The following SACS variants were observed in gnomAD, a reference collection of about 807,000 sequenced individuals.
SACS encodes sacsin molecular chaperone.
A neutral mutation model predicts 348.0 loss-of-function variants in SACS; 197 were observed. The ratio of observed to expected loss-of-function variants is 0.57; its 90% confidence interval spans 0.50 to 0.64. The LOEUF is 0.64. Ranked by LOEUF, SACS falls within the 30% of genes least tolerant of loss-of-function variation. The probability of loss-of-function intolerance (pLI) is 0.00; values close to 1 mark genes in which losing one functional copy is unlikely to be tolerated. For synonymous variants in SACS, 1,985 were observed against 1,910.6 expected, an observed-to-expected ratio of 1.04 and a Z score of -1.02; for missense variants, 4,999 against 5,360.8, an observed-to-expected ratio of 0.93 and a Z score of 2.11.
chr13:23,402,263 A>AT (rs1322863164), intron 2 of SACS, among the ~76,000 whole-genome samples: 1 of 152,158 alleles, frequency 6.6e-6, no homozygotes, highest in Non-Finnish European at 1.5e-5. Flanking sequence ...AAGCAGAACA[A>AT]CAATTAATTA....
chr13:23,430,907 G>A (rs1239239992), intron 1 of SACS, among the ~76,000 whole-genome samples: 3 of 152,122 alleles, frequency 2.0e-5, no homozygotes, highest in African/African-American at 4.8e-5. Context: ...TCACATCGTC[G>A]TCAATTTGAA....
At chr13:23,391,596 G>T (rs1872528824) in intron 2 of SACS, among the ~76,000 whole-genome samples, 1 of 152,116 alleles carries the variant, frequency 6.6e-6, no homozygotes, top group African/African-American at 2.4e-5. Context: ...TCAAGTAATT[G>T]CTCCTCCCCT....
At position 23,336,806 on chromosome 13, in the gene SACS, T is replaced by C. The variant is rs777567884; in HGVS notation, c.7070A>G (p.Glu2357Gly). 8.1e-6 allele frequency: 13 copies of C among 1,613,886 alleles called. No homozygotes were observed. The South Asian group carries it at 1.3e-4, about 16-fold the overall frequency. ...AAAATTTAAATGAAAAGAAACCTTT[T>C]CTGAGTCAACATATGCATTCTCAAC... ...ILVENAYVDSEKVSFHLNFEA... is the reference protein window; with the variant it reads ...ILVENAYVDSGKVSFHLNFEA... Residue 2357 changes from glutamate to glycine, a missense_variant, in exon 10 of 10, where the codon GAA (glutamate) becomes GGA (glycine). Around this residue, in one of 6 missense-constraint regions of SACS, gnomAD observed 3,156 missense variants for 3,380.1 expected, o/e 0.93. Coordinates refer to ENST00000382292, the MANE Select transcript of SACS (RefSeq NM_014363.6).
chr13:23,429,127 G>T (rs987410737), intron 1 of SACS, among the ~76,000 whole-genome samples: 1 of 152,014 alleles, frequency 6.6e-6, no homozygotes, highest in Non-Finnish European at 1.5e-5. Flanking sequence ...GCTGCTAAAT[G>T]AAATTTTAAA....
At position 23,334,912 on chromosome 13, in the gene SACS, G is replaced by A; in HGVS notation, c.8964C>T (p.Asp2988=). ...VKALYNCIHE[D]MKRLLPVVRA... is the part of the protein sequence containing the mutation. ...GCACAACAGGTAAAAGACGTTTCAT[G>A]TCTTCGTGAATGCAATTGTAAAGTG... Residue 2988 remains aspartate (D), a synonymous_variant, in exon 10 of 10, where the codon GAC becomes GAT. Coordinates refer to ENST00000382292, the MANE Select transcript of SACS (RefSeq NM_014363.6). 1 of 1,613,854 alleles carries A rather than the reference G, an allele frequency of 6.2e-7. No individual in the cohort carries two copies. Among genetic ancestry groups the A allele is most frequent in the Non-Finnish European group, 8.5e-7 (1 of 1,179,840 alleles).
intron 9 of SACS, among the ~76,000 whole-genome samples, chr13:23,345,414 A>G (rs1054065009): frequency 1.3e-5 from 2 of 152,218 alleles, no homozygotes; most frequent in African/African-American, 4.8e-5. Context: ...CCCAGGGCCC[A>G]GCATAAAAGT....
Position 23,355,992 on chromosome 13 carries a change from A to C in SACS, c.620T>G (p.Phe207Cys), listed in dbSNP as rs1870361895. The change falls in exon 8 of 10, where the codon TTT becomes TGT. Residue 207 changes from phenylalanine (F) to cysteine (C), a missense_variant. Physicochemically the swap from Phe to Cys is radical, Grantham distance 205. Coordinates refer to ENST00000382292, the MANE Select transcript of SACS (RefSeq NM_014363.6). ...TAGCATCCCGATTTGGTCACCACTA[A>C]AGATACAAGGAACATCTGTAAAGAA... The part of the protein sequence containing the change: ...VYHITDVPCI[F>C]SGDQIGMLDP... 6.2e-7 allele frequency: 1 copy of C among 1,613,700 alleles called. No homozygotes were observed.
At chr13:23,427,140 A>G (rs1325820666) in intron 1 of SACS, 4 of 152,216 alleles carry the variant, frequency 2.6e-5, no homozygotes, top group African/African-American at 9.7e-5. Flanking sequence ...TATCACCGCA[A>G]CACCAAACTG....
intron 1 of SACS, among the ~76,000 whole-genome samples, chr13:23,418,548 T>C (rs758136269): frequency 2.0e-5 from 3 of 152,132 alleles, no homozygotes; most frequent in Non-Finnish European, 1.5e-5. Context: ...GCTCTGTCTC[T>C]CCAGCTGGAG....
Position 23,368,454 on chromosome 13 carries a change from T to C in SACS, c.293A>G (p.Asp98Gly), listed in dbSNP as rs1407949005. ...RFGQTTPPLV[D>G]FLKDILRRYP... ...TCTTCTCAAAATGTCCTTGAGAAAATCAACAAGTGGTGGCGTTGTCTGACC... is the reference window on the plus strand; with the variant it reads ...TCTTCTCAAAATGTCCTTGAGAAAACCAACAAGTGGTGGCGTTGTCTGACC... Residue 98 changes from aspartate (D) to glycine (G), a missense_variant, in exon 5 of 10, where the codon GAT (aspartate) becomes GGT (glycine). Asp to Gly is a moderately conservative substitution (Grantham distance 94). Coordinates refer to ENST00000382292, the MANE Select transcript of SACS (RefSeq NM_014363.6). 3 of 1,613,036 alleles carry C rather than the reference T, an allele frequency of 1.9e-6. No individual in the cohort carries two copies. The highest frequency in any genetic ancestry group is 1.7e-5 in the Admixed American group (1 of 59,896).
intron 1 of SACS, chr13:23,418,877 C>CG (rs1566111329): frequency 6.6e-6 from 1 of 152,234 alleles, no homozygotes; most frequent in Non-Finnish European, 1.5e-5. Context: ...CCATGGGCGC[C>CG]GCCCTCTTCC....
intron 1 of SACS, among the ~76,000 whole-genome samples, chr13:23,415,876 G>T (rs928919245): frequency 2.6e-5 from 4 of 152,120 alleles, no homozygotes; most frequent in Admixed American, 2.6e-4. Context: ...CCTGCTCTTT[G>T]TTATTAAAAA....
At chr13:23,380,148 T>TGTGTGTGTGTGTGA (rs35527942) in intron 2 of SACS, among the ~76,000 whole-genome samples, 57 of 147,776 alleles carry the variant, frequency 3.9e-4, no homozygotes, top group East Asian at 3.0e-3. Flanking sequence ...TGTGTGTGTG[T>TGTGTGTGTGTGTGA]GAGAGAGAGA....
At position 23,333,811 on chromosome 13, in the gene SACS, T is replaced by C. The variant is rs1363992094; in HGVS notation, c.10065A>G (p.Ile3355Met). 1.2e-6 allele frequency: 2 copies of C among 1,613,882 alleles called. No individual in the cohort carries two copies. Among genetic ancestry groups the C allele is most frequent in the Non-Finnish European group, 1.7e-6 (2 of 1,179,832 alleles). ...VPLLSCHTAN[I>M]ESPTSILKAL... ...CCTTCAAGATGCTTGTGGGGCTCTC[T>C]ATATTTGCTGTGTGACATGACAACA... is the stretch of plus-strand genomic sequence containing the variant. The change falls in exon 10 of 10, where the codon ATA becomes ATG. Residue 3355 changes from isoleucine to methionine, a missense_variant. Around this residue, in one of 6 missense-constraint regions of SACS, gnomAD observed 734 missense variants for 694.0 expected, o/e 1.06. Coordinates refer to ENST00000382292, the MANE Select transcript of SACS (RefSeq NM_014363.6).
chr13:23,360,072 A>G (rs139749876), intron 6 of SACS, among the ~76,000 whole-genome samples: 90 of 152,256 alleles, frequency 5.9e-4, no homozygotes, highest in Middle Eastern at 3.4e-3. Context: ...TAAAGCCATC[A>G]AGGCTCCATT....
chr13:23,380,503 G>A (rs1872010783), intron 2 of SACS, among the ~76,000 whole-genome samples: 1 of 152,052 alleles, frequency 6.6e-6, no homozygotes, highest in South Asian at 2.1e-4. Flanking sequence ...TTGGGAGGGT[G>A]AGAAACTCGA....
chr13:23,409,659 A>G (rs187260896), intron 2 of SACS, among the ~76,000 whole-genome samples: 30 of 152,236 alleles, frequency 2.0e-4, no homozygotes, highest in Non-Finnish European at 3.1e-4. Flanking sequence ...TGGTTTGATA[A>G]AAGTGTATTT....
At position 23,333,568 on chromosome 13, in the gene SACS, G is replaced by C. The variant is rs1265453565; in HGVS notation, c.10308C>G (p.Ile3436Met). 2 of 1,613,414 alleles carry C rather than the reference G, an allele frequency of 1.2e-6. No homozygotes were observed. The highest frequency in any genetic ancestry group is 2.7e-5 in the African/African-American group (2 of 74,874). Residue 3436 changes from isoleucine (I) to methionine (M), a missense_variant, in exon 10 of 10, where the codon ATC (isoleucine) becomes ATG (methionine). Ile to Met is a conservative substitution (Grantham distance 10, BLOSUM62 1). Transcript: ENST00000382292. ...FGTCYVLTKS[I>M]PSAEVEKWTQ... ...TCCATTTCTCCACTTCAGCTGAAGG[G>C]ATACTTTTTGTAAGTACGTAGCATG...
chr13:23,349,082 C>T (rs1869793544), intron 9 of SACS, among the ~76,000 whole-genome samples: 1 of 152,194 alleles, frequency 6.6e-6, no homozygotes, highest in Non-Finnish European at 1.5e-5. Flanking sequence ...TAGATTTATC[C>T]TGATAGATTC....
Sources: allele counts gnomAD v4.1 joint callset (sites outside exome capture counted in the v4.1 genomes callset), GRCh38; gene constraint gnomAD v4.1.1; regional missense constraint gnomAD v4.1.1; transcripts MANE v1.5; gene names NCBI Gene and HGNC (gene_info 2026-07-23, HGNC 2026-07-21).